The following RIMKLA variants were observed in gnomAD, a reference collection of about 807,000 sequenced individuals.
RIMKLA encodes the protein N-acetylaspartylglutamate synthase A.
A neutral mutation model predicts 32.7 loss-of-function variants in RIMKLA; 14 were observed. That is an observed-to-expected ratio of 0.43 (90% CI 0.28 to 0.67). The LOEUF is 0.67. Ranked by LOEUF, RIMKLA falls within the 30% of genes least tolerant of loss-of-function variation. The pLI is 0.18. For synonymous variants in RIMKLA, 176 were observed against 204.1 expected, an observed-to-expected ratio of 0.86 and a Z score of 1.18; for missense variants, 410 against 519.0, an observed-to-expected ratio of 0.79 and a Z score of 2.04.
At chr1:42,389,971 T>G (rs1642986454) in intron 1 of RIMKLA, among the ~76,000 whole-genome samples, 1 of 150,786 alleles carries the variant, frequency 6.6e-6, no homozygotes, top group South Asian at 2.1e-4. Flanking sequence ...AAAGGGAAGG[T>G]GAAAAACAGG....
intron 4 of RIMKLA, among the ~76,000 whole-genome samples, chr1:42,411,546 C>T (rs1039878724): frequency 2.0e-5 from 3 of 151,770 alleles, no homozygotes; most frequent in African/African-American, 7.3e-5. Context: ...CTGCAACCTC[C>T]GCCTCCCAGG....
At chr1:42,403,386 C>T (rs1221888221) in intron 2 of RIMKLA, among the ~76,000 whole-genome samples, 1 of 152,150 alleles carries the variant, frequency 6.6e-6, no homozygotes, top group African/African-American at 2.4e-5. Flanking sequence ...TAGTTTGGTG[C>T]CATTGAATAG....
chr1:42,387,705 A>G (rs1642962134), intron 1 of RIMKLA, among the ~76,000 whole-genome samples: 1 of 152,270 alleles, frequency 6.6e-6, no homozygotes, highest in South Asian at 2.1e-4. Flanking sequence ...AAATCCTGTC[A>G]ACAGATATCT....
rs1557749895 is a variant in RIMKLA at position 42,385,840 on chromosome 1, CTTTCT to C, written c.163+4744_163+4748del. Among the ~76,000 whole-genome samples the C allele has an allele frequency of 8.4e-3, 538 of 64,400 alleles. 29 individuals carry two copies. Among genetic ancestry groups the C allele is most frequent in the African/African-American group, 0.019 (362 of 19,518 alleles). 42.2% of individuals were successfully genotyped at this position (64,400 alleles called of 152,430 possible). A position where few individuals can be genotyped will look rare whatever the true frequency, so the allele number is the denominator to read the frequency against. ...CCTTCCTTCCTTCCTTTCTTTCTTT[CTTTCT>C]CTTTCTTTCTTTCTTTCTTTCTTTC... On this transcript the variant is annotated intron_variant, in intron 1 of 4. Transcript: ENST00000431473.
rs758517233 is a variant in RIMKLA at position 42,410,181 on chromosome 1, T to G, written c.679T>G (p.Ser227Ala). The G allele has an allele frequency of 6.2e-7, 1 of 1,613,800 alleles. No homozygotes were observed. The highest frequency in any genetic ancestry group is 2.2e-5 in the East Asian group (1 of 44,894). ...STDGRMQSNCSLGGVGVKCPL... is the reference protein window; with the variant it reads ...STDGRMQSNCALGGVGVKCPL... Reference sequence around the variant, plus strand: ...TGATGGACGGATGCAGAGCAACTGCTCTCTCGGTAAGGTATAAAAGCACAG... The same window carrying G: ...TGATGGACGGATGCAGAGCAACTGCGCTCTCGGTAAGGTATAAAAGCACAG... The change falls in exon 4 of 5, where the codon TCT (serine) becomes GCT (alanine). Residue 227 changes from serine to alanine, a missense_variant. Coordinates refer to ENST00000431473, the MANE Select transcript of RIMKLA (RefSeq NM_173642.4).
At chr1:42,402,610 A>T (rs1643109710) in intron 2 of RIMKLA, among the ~76,000 whole-genome samples, 3 of 130,188 alleles carry the variant, frequency 2.3e-5, no homozygotes, top group Non-Finnish European at 3.3e-5. Flanking sequence ...TTTTTTTTTG[A>T]GACAGGGTTC....
At position 42,392,047 on chromosome 1, in the gene RIMKLA, A is replaced by T. The variant is rs1419786524; in HGVS notation, c.164-7357A>T. Among the ~76,000 whole-genome samples the T allele has an allele frequency of 2.0e-5, 3 of 152,188 alleles. No individual in the cohort carries two copies. In the South Asian group the frequency reaches 6.2e-4, roughly 32 times the overall value. On this transcript the variant is annotated intron_variant, in intron 1 of 4. Coordinates refer to ENST00000431473, the MANE Select transcript of RIMKLA (RefSeq NM_173642.4). The stretch of plus-strand genomic sequence containing the variant: ...CAAGGAGTTACTTTAGCCTTGAGAC[A>T]TTCTTGAACTCAGTGCCTATAAGAT...
chr1:42,414,936 A>G lies in RIMKLA; in HGVS notation c.1138A>G (p.Ile380Val), dbSNP rs1033483392. The G allele has an allele frequency of 1.9e-6, 3 of 1,613,454 alleles. No homozygotes were observed. In the African/African-American group the frequency reaches 4.0e-5, roughly 22 times the overall value. Reference sequence around the variant, plus strand: ...CATGCTGCCCGAACCTGGCTACAACATTAACAACAGGATTGCTTCTGAGTT... The same window carrying G: ...CATGCTGCCCGAACCTGGCTACAACGTTAACAACAGGATTGCTTCTGAGTT... ...PSMLPEPGYN[I>V]NNRIASELKL... is the part of the protein sequence containing the mutation. The change falls in exon 5 of 5, where the codon ATT becomes GTT. Residue 380 changes from isoleucine (I) to valine (V), a missense_variant. By Grantham distance (29) the Ile-to-Val change is conservative. Transcript: ENST00000431473.
intron 1 of RIMKLA, among the ~76,000 whole-genome samples, chr1:42,398,787 C>T (rs983658895): frequency 2.6e-5 from 4 of 151,694 alleles, no homozygotes; most frequent in African/African-American, 4.8e-5. Flanking sequence ...GGCAACATGG[C>T]GAAACCCCAT....
Position 42,400,670 on chromosome 1 carries a change from G to A in RIMKLA, c.394+1036G>A, listed in dbSNP as rs537293190. On this transcript the variant is annotated intron_variant, in intron 2 of 4. Coordinates refer to ENST00000431473, the MANE Select transcript of RIMKLA (RefSeq NM_173642.4). Reference sequence around the variant, plus strand: ...GAAAGAAGCTGATTTGTGGGTAGGGGGTGAAGGATTATAGGGGAGAGGTGA... The same window carrying A: ...GAAAGAAGCTGATTTGTGGGTAGGGAGTGAAGGATTATAGGGGAGAGGTGA... Among the ~76,000 whole-genome samples, 5 of 152,296 alleles carry A rather than the reference G, an allele frequency of 3.3e-5. No homozygotes were observed. The East Asian group carries it at 7.7e-4, about 24-fold the overall frequency.
intron 2 of RIMKLA, among the ~76,000 whole-genome samples, chr1:42,403,286 C>G (rs1643116696): frequency 6.6e-6 from 1 of 152,184 alleles, no homozygotes; most frequent in Non-Finnish European, 1.5e-5. Context: ...CTGCTCTATA[C>G]TGACAGCAGT....
At position 42,416,378 on chromosome 1, in the gene RIMKLA, C is replaced by T. The variant is rs1643248738; in HGVS notation, c.*1404C>T. On this transcript the variant is annotated 3_prime_UTR_variant, in exon 5 of 5. Coordinates refer to ENST00000431473, the MANE Select transcript of RIMKLA (RefSeq NM_173642.4). ...AAGCCATGCAAGGCAAGAGGCCTCA[C>T]AACTTTATAGTCAGACCTTGTGTTT... is the stretch of plus-strand genomic sequence containing the variant. The T allele has an allele frequency of 6.6e-6, 1 of 152,208 alleles. No individual in the cohort carries two copies. The highest frequency in any genetic ancestry group is 1.5e-5 in the Non-Finnish European group (1 of 68,036). 9.4% of individuals were successfully genotyped at this position (152,208 alleles called of 1,614,324 possible).
At chr1:42,407,713 T>G (rs1643159540) in intron 3 of RIMKLA, among the ~76,000 whole-genome samples, 1 of 152,236 alleles carries the variant, frequency 6.6e-6, no homozygotes, top group South Asian at 2.1e-4. Context: ...CTGTCTTGAT[T>G]ACTGTAACTT....
chr1:42,383,506 C>T (rs1050274276), intron 1 of RIMKLA, among the ~76,000 whole-genome samples: 5 of 152,124 alleles, frequency 3.3e-5, no homozygotes, highest in Non-Finnish European at 5.9e-5. Flanking sequence ...AGGATATGAT[C>T]TCTGGTTCCT....
rs527886509 is a variant in RIMKLA at position 42,399,535 on chromosome 1, G to A, written c.295G>A (p.Val99Ile). ...CCTGGAGAAGCTGGGCTGCCGGTTG[G>A]TCAATCGCCCACAGAGCATCTTAAA... Reference protein sequence around the residue: ...RHLEKLGCRLVNRPQSILNCI... With the variant: ...RHLEKLGCRLINRPQSILNCI... Residue 99 changes from valine to isoleucine, a missense_variant, in exon 2 of 5, where the codon GTC (valine) becomes ATC (isoleucine). Val to Ile is a conservative substitution (Grantham distance 29, BLOSUM62 3). Transcript: ENST00000431473. 5.0e-6 allele frequency: 8 copies of A among 1,613,554 alleles called. No individual in the cohort carries two copies. The East Asian group carries it at 1.8e-4, about 36-fold the overall frequency.
intron 1 of RIMKLA, among the ~76,000 whole-genome samples, chr1:42,392,035 T>G (rs1643003928): frequency 1.3e-5 from 2 of 152,216 alleles, no homozygotes; most frequent in African/African-American, 4.8e-5. Context: ...GGAGTTACTT[T>G]AGCCTTGAGA....
chr1:42,385,844 C>CTCTCTCTCTCTCTCTCTCTCTCTCTT (rs1184237388), intron 1 of RIMKLA, among the ~76,000 whole-genome samples: 3 of 56,996 alleles, frequency 5.3e-5, no homozygotes, highest in Admixed American at 2.1e-4. Context: ...TTCTTTCTTT[C>CTCTCTCTCTCTCTCTCTCTCTCTCTT]TCTTTCTTTC....
At chr1:42,395,923 A>G (rs1413498910) in intron 1 of RIMKLA, among the ~76,000 whole-genome samples, 1 of 152,184 alleles carries the variant, frequency 6.6e-6, no homozygotes, top group Non-Finnish European at 1.5e-5. Context: ...AGCAGGAGGC[A>G]TGTGAAGTTG....
chr1:42,384,503 G>GTA (rs1464878358), intron 1 of RIMKLA, among the ~76,000 whole-genome samples: 15 of 145,110 alleles, frequency 1.0e-4, no homozygotes, highest in African/African-American at 3.6e-4. Flanking sequence ...ATATATACAT[G>GTA]TATATATGTA....
Sources: gnomAD v4.1 joint callset for allele counts (sites outside exome capture counted in the v4.1 genomes callset) on GRCh38, gnomAD v4.1.1 for gene constraint, MANE v1.5 for transcripts, NCBI Gene and HGNC (gene_info 2026-07-23, HGNC 2026-07-21) for gene names.